The following RANBP2 variants were observed in gnomAD, a reference collection of about 807,000 sequenced individuals.
The protein encoded by RANBP2 is RAN binding protein 2.
In RANBP2, 57 loss-of-function variants were observed where a neutral mutation model predicts 303.6. The ratio of observed to expected loss-of-function variants is 0.19; its 90% CI spans 0.15 to 0.23. The LOEUF (loss-of-function observed/expected upper bound fraction) is 0.23. Among genes scored for constraint, RANBP2 ranks in the 10% least tolerant of loss-of-function variants. The pLI is 1.00. For synonymous variants in RANBP2, 1,167 were observed against 1,301.5 expected, an observed-to-expected ratio of 0.90 and a Z score of 2.23; for missense variants, 3,138 against 3,780.8, an observed-to-expected ratio of 0.83 and a Z score of 4.46.
In RANBP2 at chr2:108,763,321, A is replaced by G; in HGVS notation, c.2782A>G (p.Ser928Gly). 6.2e-7 allele frequency: 1 copy of G among 1,613,974 alleles called. No homozygotes were observed. The highest frequency in any genetic ancestry group is 1.1e-5 in the South Asian group (1 of 91,082). ...ACAGATGCACACACCGCCAGTGCAA[A>G]GCTCATCTGCTTGTATGTTCTCTCA... ...PQQMHTPPVQ[S>G]SSACMFSQEM... is the part of the protein sequence containing the mutation. Residue 928 changes from serine (S) to glycine (G), a missense_variant, in exon 20 of 29, where the codon AGC becomes GGC. Physicochemically the swap from Ser to Gly is moderately conservative, Grantham distance 56. Coordinates refer to ENST00000283195, the MANE Select transcript of RANBP2 (RefSeq NM_006267.5).
At chr2:108,831,502 G>A in the RANBP2 span, among the ~76,000 whole-genome samples, 1 of 152,282 alleles carries the variant, frequency 6.6e-6, no homozygotes, top group East Asian at 1.9e-4. Context: ...TATAAATGAA[G>A]TGAAATTTTT....
the RANBP2 span, among the ~76,000 whole-genome samples, chr2:109,237,647 T>C: frequency 2.3e-3 from 346 of 152,266 alleles, 3 homozygotes; most frequent in African/African-American, 6.8e-3. Flanking sequence ...AGTGTTAGTA[T>C]ATTTTATGTG....
At chr2:109,506,365 G>C in the RANBP2 span, among the ~76,000 whole-genome samples, 11 of 152,214 alleles carry the variant, frequency 7.2e-5, no homozygotes, top group African/African-American at 2.7e-4. Flanking sequence ...AGGAGGGTGA[G>C]CACCACTAGC....
chr2:109,261,707 G>A, the RANBP2 span, among the ~76,000 whole-genome samples: 1 of 152,192 alleles, frequency 6.6e-6, no homozygotes, highest in Non-Finnish European at 1.5e-5. Flanking sequence ...AATTGGGTGT[G>A]TATTTAAAAT....
At chr2:109,052,920 A>G in the RANBP2 span, among the ~76,000 whole-genome samples, 40 of 152,198 alleles carry the variant, frequency 2.6e-4, no homozygotes, top group Non-Finnish European at 4.4e-5. Context: ...TCCCTAAGAC[A>G]TTTCTCTATG....
chr2:108,905,997 G>A, the RANBP2 span, among the ~76,000 whole-genome samples: 7 of 146,102 alleles, frequency 4.8e-5, no homozygotes, highest in South Asian at 1.0e-3. Flanking sequence ...CTGGGGACAC[G>A]GGAGGTCTGA....
the RANBP2 span, among the ~76,000 whole-genome samples, chr2:108,806,179 T>C: frequency 6.6e-6 from 1 of 152,218 alleles, no homozygotes; most frequent in Admixed American, 6.5e-5. Context: ...ATTAGACTTA[T>C]GAATTTGACA....
chr2:109,558,688 A>C, the RANBP2 span, among the ~76,000 whole-genome samples: 3 of 152,192 alleles, frequency 2.0e-5, no homozygotes, highest in Non-Finnish European at 4.4e-5. Flanking sequence ...CATTCAATAA[A>C]GTGTAAGTGG....
chr2:109,078,106 A>G, the RANBP2 span, among the ~76,000 whole-genome samples: 3 of 88,614 alleles, frequency 3.4e-5, no homozygotes, highest in South Asian at 4.0e-4. Flanking sequence ...ATATATATAT[A>G]TATATATATA....
At chr2:108,848,787 CA>C in the RANBP2 span, among the ~76,000 whole-genome samples, 1 of 152,024 alleles carries the variant, frequency 6.6e-6, no homozygotes, top group East Asian at 1.9e-4. Flanking sequence ...TTTAATAAAT[CA>C]AAATAGGACA....
At position 108,766,082 on chromosome 2, in the gene RANBP2, A is replaced by C. The variant is rs781728096; in HGVS notation, c.5543A>C (p.Lys1848Thr). ...GGATTTAAAAGTAATTTCTCAGAAA[A>C]AGCTTCTAAGTTTGGCAATACAGAG... ...GTGFKSNFSE[K>T]ASKFGNTEQG... The change falls in exon 20 of 29, where the codon AAA becomes ACA. Residue 1848 changes from lysine (K) to threonine (T), a missense_variant. Physicochemically the swap from Lys to Thr is moderately conservative, Grantham distance 78. Around this residue, in one of 20 missense-constraint regions of RANBP2, gnomAD observed 348 missense variants for 360.4 expected, o/e 0.97. Transcript: ENST00000283195. 6.2e-7 allele frequency: 1 copy of C among 1,614,172 alleles called. No individual in the cohort carries two copies. The highest frequency in any genetic ancestry group is 2.2e-5 in the East Asian group (1 of 44,888).
the RANBP2 span, among the ~76,000 whole-genome samples, chr2:109,430,831 T>C: frequency 6.6e-6 from 1 of 152,136 alleles, no homozygotes; most frequent in African/African-American, 2.4e-5. Flanking sequence ...TCACTGTCAG[T>C]GTTCACCATT....
At chr2:108,791,774 C>G in the RANBP2 span, 1 of 1,595,030 alleles carries the variant, frequency 6.3e-7, no homozygotes, top group Non-Finnish European at 8.6e-7. Context: ...CGAAAATAAC[C>G]AAGCAGTCTT....
the RANBP2 span, among the ~76,000 whole-genome samples, chr2:109,256,862 G>A: frequency 8.1e-4 from 124 of 152,214 alleles, no homozygotes; most frequent in African/African-American, 2.7e-3. Flanking sequence ...CCATTGTCCC[G>A]GAGACTAACC....
chr2:109,430,132 C>A, the RANBP2 span, among the ~76,000 whole-genome samples: 1 of 152,334 alleles, frequency 6.6e-6, no homozygotes, highest in Admixed American at 6.5e-5. Flanking sequence ...GGAAAGGCAG[C>A]CCCGGACCCC....
the RANBP2 span, among the ~76,000 whole-genome samples, chr2:109,072,686 A>G: frequency 6.6e-6 from 1 of 152,196 alleles, no homozygotes; most frequent in Non-Finnish European, 1.5e-5. Context: ...CCTTTGCCAC[A>G]GCTCCCCTTC....
At chr2:109,655,591 T>G in the RANBP2 span, among the ~76,000 whole-genome samples, 1 of 152,104 alleles carries the variant, frequency 6.6e-6, no homozygotes, top group East Asian at 1.9e-4. Flanking sequence ...TGCATTTGGT[T>G]CTGCCCTGTT....
chr2:109,221,650 C>T, the RANBP2 span, among the ~76,000 whole-genome samples: 3 of 150,388 alleles, frequency 2.0e-5, no homozygotes, highest in Non-Finnish European at 4.4e-5. Context: ...TTTTCATAAA[C>T]CTGTTGGCCA....
chr2:109,655,002 A>C, the RANBP2 span, among the ~76,000 whole-genome samples: 1 of 151,216 alleles, frequency 6.6e-6, no homozygotes, highest in South Asian at 2.1e-4. Flanking sequence ...TCCTGGTTTC[A>C]AATGATTCTC....
Sources: gnomAD v4.1 joint callset for allele counts (sites outside exome capture counted in the v4.1 genomes callset) on GRCh38, gnomAD v4.1.1 for gene constraint, gnomAD v4.1.1 regional missense constraint, MANE v1.5 for transcripts, NCBI Gene and HGNC (gene_info 2026-07-23, HGNC 2026-07-21) for gene names.